The following CALN1 variants were observed in gnomAD, a reference collection of about 807,000 sequenced individuals.
The protein encoded by CALN1 is calneuron 1.
In CALN1, 17 loss-of-function variants were observed where a neutral mutation model predicts 30.6. The ratio of observed to expected loss-of-function variants is 0.56; its 90% CI spans 0.38 to 0.83. The LOEUF (loss-of-function observed/expected upper bound fraction) is 0.83, where lower values mean the gene tolerates loss of function less well. Ranked by LOEUF, CALN1 falls within the 40% of genes least tolerant of loss-of-function variation. The pLI is 0.00. For missense variants in CALN1, 291 were observed against 354.9 expected (o/e 0.82, Z 1.45); for synonymous variants, 156 against 131.4 (o/e 1.19, Z -1.28).
Position 72,278,804 on chromosome 7 carries a change from CT to C in CALN1, c.125del (p.Lys42ArgfsTer7). The C allele has an allele frequency of 1.2e-6, 2 of 1,613,006 alleles. No individual in the cohort carries two copies. Among genetic ancestry groups the C allele is most frequent in the Non-Finnish European group, 1.7e-6 (2 of 1,179,132 alleles). ...CGGCGGTCACATGGTGGAACGGCAT[CT>C]TTTCCCTGCCCAAGAGAGAACAGGG... ...SQAPDFPTWE[K>X]MPFHHVTAGL... On this transcript the variant is annotated frameshift_variant, in exon 3 of 7. Coordinates refer to ENST00000395275, the MANE Select transcript of CALN1 (RefSeq NM_031468.4). LOFTEE classifies it high-confidence loss of function.
chr7:72,383,327 A>G (rs1805023652), intron 2 of CALN1, among the ~76,000 whole-genome samples: 1 of 152,182 alleles, frequency 6.6e-6, no homozygotes, highest in Non-Finnish European at 1.5e-5. Flanking sequence ...TAGTTCTTTG[A>G]GAAATCTCCA....
intron 2 of CALN1, among the ~76,000 whole-genome samples, chr7:72,389,789 C>T (rs1308728486): frequency 6.6e-6 from 1 of 152,042 alleles, no homozygotes; most frequent in African/African-American, 2.4e-5. Context: ...CACAGTGGTG[C>T]ATGCCTGTAA....
At chr7:72,387,438 G>A (rs1485933081) in intron 2 of CALN1, among the ~76,000 whole-genome samples, 1 of 152,168 alleles carries the variant, frequency 6.6e-6, no homozygotes, top group Non-Finnish European at 1.5e-5. Flanking sequence ...AGTACGGAAA[G>A]AGGGAAAAGT....
chr7:72,012,599 T>G (rs1800144841), intron 5 of CALN1, among the ~76,000 whole-genome samples: 1 of 152,196 alleles, frequency 6.6e-6, no homozygotes, highest in African/African-American at 2.4e-5. Flanking sequence ...AAATATGAGT[T>G]TTCAGCATAT....
chr7:72,016,918 C>A (rs1800410522), intron 5 of CALN1, among the ~76,000 whole-genome samples: 1 of 147,576 alleles, frequency 6.8e-6, no homozygotes, highest in Admixed American at 7.0e-5. Context: ...TTTGGGAGGC[C>A]AAGGTGAGTG....
chr7:71,937,465 G>A (rs1795904112), intron 5 of CALN1, among the ~76,000 whole-genome samples: 1 of 149,024 alleles, frequency 6.7e-6, no homozygotes, highest in South Asian at 2.1e-4. Context: ...ATATATAGAT[G>A]TATAATTTCA....
At chr7:71,972,026 A>AAG (rs1797869967) in intron 5 of CALN1, among the ~76,000 whole-genome samples, 4 of 151,982 alleles carry the variant, frequency 2.6e-5, no homozygotes, top group South Asian at 2.1e-4. Flanking sequence ...AAAAGAAAGA[A>AAG]AGAAAGAAAG....
At chr7:72,327,292 G>C (rs937447297) in intron 2 of CALN1, among the ~76,000 whole-genome samples, 3 of 152,324 alleles carry the variant, frequency 2.0e-5, no homozygotes, top group Admixed American at 6.5e-5. Flanking sequence ...TCAGGAGTTT[G>C]ACACCAGCCT....
intron 2 of CALN1, among the ~76,000 whole-genome samples, chr7:72,400,482 G>A (rs576580406): frequency 6.6e-6 from 1 of 152,174 alleles, no homozygotes; most frequent in African/African-American, 2.4e-5. Flanking sequence ...CCATTGCTTG[G>A]CATTGCTCCT....
At chr7:72,069,938 G>A (rs1804277165) in intron 4 of CALN1, among the ~76,000 whole-genome samples, 1 of 152,154 alleles carries the variant, frequency 6.6e-6, no homozygotes, top group Admixed American at 6.6e-5. Flanking sequence ...ATGACCTCTT[G>A]GGGATGTCCT....
intron 5 of CALN1, among the ~76,000 whole-genome samples, chr7:71,966,695 A>G (rs904950059): frequency 2.6e-5 from 4 of 152,148 alleles, no homozygotes; most frequent in Non-Finnish European, 5.9e-5. Context: ...TCTCTTCTTT[A>G]TATATTACCC....
intron 3 of CALN1, among the ~76,000 whole-genome samples, chr7:72,120,549 A>T (rs1463688543): frequency 3.3e-5 from 5 of 152,104 alleles, no homozygotes; most frequent in Admixed American, 6.5e-5. Context: ...CCTTAAGATG[A>T]CTTCCTAGGA....
intron 4 of CALN1, among the ~76,000 whole-genome samples, chr7:72,090,901 G>C (rs1346123663): frequency 1.6e-4 from 25 of 152,146 alleles, no homozygotes; most frequent in Admixed American, 1.6e-3. Flanking sequence ...AAAGAGAGTA[G>C]AACGATGATT....
At chr7:72,402,193 G>C (rs575351274) in intron 2 of CALN1, among the ~76,000 whole-genome samples, 2 of 152,212 alleles carry the variant, frequency 1.3e-5, no homozygotes, top group Admixed American at 6.5e-5. Context: ...CTCTTGGCCA[G>C]GGGTCTCATC....
chr7:72,474,320 C>G, the CALN1 span, among the ~76,000 whole-genome samples: 1 of 152,192 alleles, frequency 6.6e-6, no homozygotes, highest in Middle Eastern at 3.2e-3. Context: ...TTTTTATTAA[C>G]TCCTTGGACA....
chr7:72,140,979 G>A (rs955488060), intron 3 of CALN1, among the ~76,000 whole-genome samples: 7 of 152,216 alleles, frequency 4.6e-5, no homozygotes, highest in Admixed American at 4.6e-4. Context: ...ACAAAAGGTA[G>A]AAGATACTAG....
At chr7:72,088,470 A>G (rs1454446507) in intron 4 of CALN1, among the ~76,000 whole-genome samples, 2 of 152,084 alleles carry the variant, frequency 1.3e-5, no homozygotes, top group Admixed American at 6.5e-5. Context: ...AGGCCCAGGC[A>G]GGTGGATCAC....
At position 72,091,284 on chromosome 7, in the gene CALN1, T is replaced by C. The variant is rs186192718; in HGVS notation, c.388+14867A>G. The stretch of plus-strand genomic sequence containing the variant: ...AGGCAAAGGTAGCAGTGAGTCAAGA[T>C]CTCACCATTGCACTCCAGTCTGGGT... On this transcript the variant is annotated intron_variant, in intron 4 of 6. Coordinates refer to ENST00000395275, the MANE Select transcript of CALN1 (RefSeq NM_031468.4). 2.6e-5 allele frequency among the ~76,000 whole-genome samples: 4 copies of C among 152,226 alleles called. No homozygotes were observed. The East Asian group carries it at 5.8e-4, about 22-fold the overall frequency.
intron 3 of CALN1, among the ~76,000 whole-genome samples, chr7:72,222,296 T>A (rs1376316827): frequency 1.3e-5 from 2 of 152,064 alleles, no homozygotes; most frequent in Non-Finnish European, 2.9e-5. Flanking sequence ...TTCTGGAGCC[T>A]ATACTGGAAG....
Sources: gnomAD v4.1 joint callset for allele counts (sites outside exome capture counted in the v4.1 genomes callset) on GRCh38, gnomAD v4.1.1 for gene constraint, MANE v1.5 for transcripts, NCBI Gene and HGNC (gene_info 2026-07-23, HGNC 2026-07-21) for gene names.